Variants in FAM227A observed in about 807,000 individuals in gnomAD.
FAM227A encodes family with sequence similarity 227 member A.
FAM227A carries 80 observed loss-of-function variants against 74.7 expected under a neutral mutation model. The observed-to-expected ratio is 1.07, with a 90% confidence interval of 0.89 to 1.29. FAM227A has a LOEUF of 1.29. Among genes scored for constraint, FAM227A ranks in the 50% most tolerant of loss-of-function variants. The pLI is 0.00. For missense variants in FAM227A, 654 were observed against 683.4 expected (o/e 0.96, Z 0.48); for synonymous variants, 237 against 241.8 (o/e 0.98, Z 0.19).
At chr22:38,613,298 T>TATATAAC (rs2091484704) in intron 11 of FAM227A, among the ~76,000 whole-genome samples, 5 of 77,786 alleles carry the variant, frequency 6.4e-5, no homozygotes, top group East Asian at 6.6e-4. Context: ...ATATATATCA[T>TATATAAC]ATATAATATA....
At chr22:38,637,571 T>C (rs1472513253) in intron 5 of FAM227A, among the ~76,000 whole-genome samples, 2 of 152,248 alleles carry the variant, frequency 1.3e-5, no homozygotes, top group East Asian at 3.8e-4. Flanking sequence ...ACTTCCTAAC[T>C]GGGCTCTGGC....
At position 38,586,839 on chromosome 22, in the gene FAM227A, G is replaced by GT. The variant is rs201458150; in HGVS notation, c.1639-641dup. Among the ~76,000 whole-genome samples, 1,339 of 151,256 alleles carry GT rather than the reference G, an allele frequency of 8.9e-3. 23 individuals carry two copies. Among genetic ancestry groups the GT allele is most frequent in the African/African-American group, 0.031 (1,276 of 41,234 alleles). On this transcript the variant is annotated intron_variant, in intron 16 of 16. Transcript: ENST00000535113. Reference sequence around the variant, plus strand: ...ATGCACCACCATGCCCAGCTAATTTGTTTTTTGTATTTTTTTTTTTAGTAG... The same window carrying GT: ...ATGCACCACCATGCCCAGCTAATTTGTTTTTTTGTATTTTTTTTTTTAGTAG...
intron 13 of FAM227A, 46 bp downstream of exon 13, chr22:38,605,208 C>T (rs2091258360): frequency 1.9e-6 from 2 of 1,079,082 alleles, no homozygotes; most frequent in East Asian, 5.2e-5. Context: ...ACCTCTCACC[C>T]CCTTTGGAAT....
intron 3 of FAM227A, among the ~76,000 whole-genome samples, chr22:38,643,144 GTC>G (rs1445071089): frequency 6.6e-6 from 1 of 151,800 alleles, no homozygotes; most frequent in Non-Finnish European, 1.5e-5. Context: ...GTGAAACCCA[GTC>G]TCTACTAAAA....
chr22:38,642,606 A>G (rs2092140766), intron 3 of FAM227A, among the ~76,000 whole-genome samples: 1 of 152,236 alleles, frequency 6.6e-6, no homozygotes, highest in Admixed American at 6.5e-5. Flanking sequence ...AGGAGAAAAT[A>G]TTTGCAAGAA....
Position 38,582,942 on chromosome 22 carries a change from ATG to A in FAM227A, c.*3181_*3182del. On this transcript the variant is annotated 3_prime_UTR_variant, in exon 17 of 17. Coordinates refer to ENST00000535113, the MANE Select transcript of FAM227A (RefSeq NM_001013647.2). ...CCTGGAGGAAGAGCAGGAATTAGTG[ATG>A]TTGGCAGTTAACAAAGAGGAGGGAG... 1.3e-6 allele frequency: 2 copies of A among 1,550,414 alleles called. No homozygotes were observed. Among genetic ancestry groups the A allele is most frequent in the Non-Finnish European group, 8.7e-7 (1 of 1,146,946 alleles).
Position 38,645,648 on chromosome 22 carries a change from G to A in FAM227A, c.143-3C>T, listed in dbSNP as rs1290022511. ...GTGCATGGAGCCAATAAGGCATGCT[G>A]GGAGGTTAGTCTGCTAAGGAAACTC... On this transcript the variant is annotated splice_polypyrimidine_tract_variant and splice_region_variant and intron_variant, in intron 2 of 16. Transcript: ENST00000535113. The A allele has an allele frequency of 1.3e-6, 2 of 1,547,926 alleles. No individual in the cohort carries two copies. The highest frequency in any genetic ancestry group is 1.7e-6 in the Non-Finnish European group (2 of 1,144,318).
intron 2 of FAM227A, among the ~76,000 whole-genome samples, chr22:38,646,505 G>A (rs990373044): frequency 6.7e-6 from 1 of 150,020 alleles, no homozygotes; most frequent in African/African-American, 2.4e-5. Flanking sequence ...CTCGTGATCC[G>A]CCCGCCTCGG....
At chr22:38,605,445 G>A (rs2091264265) in intron 12 of FAM227A, 97 bp from the exon 13 acceptor site, 8 of 687,050 alleles carry the variant, frequency 1.2e-5, no homozygotes, top group South Asian at 5.1e-5. Context: ...GTGTGCCACC[G>A]CACCCAGTTA....
chr22:38,593,428 C>A (rs1158758750), intron 15 of FAM227A, among the ~76,000 whole-genome samples: 1 of 152,168 alleles, frequency 6.6e-6, no homozygotes, highest in Non-Finnish European at 1.5e-5. Flanking sequence ...CGGCATGAAC[C>A]CAGGAGGCGG....
intron 13 of FAM227A, among the ~76,000 whole-genome samples, chr22:38,602,108 C>T (rs867652785): frequency 1.3e-5 from 2 of 152,180 alleles, no homozygotes; most frequent in Non-Finnish European, 2.9e-5. Flanking sequence ...TACCCAATCA[C>T]ACTATTTTCT....
In FAM227A at chr22:38,614,869, G is replaced by A. The variant is rs1156780724; in HGVS notation, c.1038+5343C>T. ...TTTTGGTCTTGGTCTCTGGGTGATG[G>A]CTGTCCCTCTGCAGCACCTATGTCA... On this transcript the variant is annotated intron_variant, in intron 11 of 16. Coordinates refer to ENST00000535113, the MANE Select transcript of FAM227A (RefSeq NM_001013647.2). Among the ~76,000 whole-genome samples, 4 of 152,306 alleles carry A rather than the reference G, an allele frequency of 2.6e-5. No homozygotes were observed. In the East Asian group the frequency reaches 7.7e-4, roughly 29 times the overall value.
At chr22:38,621,852 C>T (rs962555062) in intron 10 of FAM227A, among the ~76,000 whole-genome samples, 4 of 152,238 alleles carry the variant, frequency 2.6e-5, no homozygotes, top group South Asian at 2.1e-4. Flanking sequence ...TCAGCTCAAA[C>T]GCCACGTACT....
At chr22:38,654,172 C>A (rs2092358561) in intron 1 of FAM227A, among the ~76,000 whole-genome samples, 1 of 151,792 alleles carries the variant, frequency 6.6e-6, no homozygotes, top group African/African-American at 2.4e-5. Context: ...CACGGTGAAA[C>A]CCCGTCTCCA....
chr22:38,602,223 T>A (rs2091192989), intron 13 of FAM227A, among the ~76,000 whole-genome samples: 1 of 152,220 alleles, frequency 6.6e-6, no homozygotes, highest in African/African-American at 2.4e-5. Flanking sequence ...CATTTGGGGC[T>A]GGATATTTCT....
chr22:38,641,559 A>C (rs368432837), intron 3 of FAM227A, among the ~76,000 whole-genome samples: 6,606 of 151,504 alleles, frequency 0.044, 272 homozygotes, highest in East Asian at 0.11. Context: ...CTCAAAAAAA[A>C]AAAAAAAAAC....
intron 10 of FAM227A, among the ~76,000 whole-genome samples, chr22:38,622,891 A>G (rs1484294584): frequency 6.6e-6 from 1 of 151,190 alleles, no homozygotes; most frequent in African/African-American, 2.4e-5. Flanking sequence ...AAAAAAAAAA[A>G]AAAAAAAAGA....
intron 6 of FAM227A, among the ~76,000 whole-genome samples, chr22:38,634,616 C>A (rs2091969608): frequency 6.6e-6 from 1 of 152,214 alleles, no homozygotes; most frequent in African/African-American, 2.4e-5. Context: ...AGATGTACTG[C>A]TTTCCACTTC....
At chr22:38,607,999 T>C (rs1271816999) in intron 11 of FAM227A, among the ~76,000 whole-genome samples, 3 of 152,168 alleles carry the variant, frequency 2.0e-5, no homozygotes, top group South Asian at 2.1e-4. Context: ...TAGACAGTTA[T>C]ACTTAAGTGT....
Sources: gnomAD v4.1 joint callset for allele counts (sites outside exome capture counted in the v4.1 genomes callset) on GRCh38, gnomAD v4.1.1 for gene constraint, MANE v1.5 for transcripts, NCBI Gene and HGNC (gene_info 2026-07-23, HGNC 2026-07-21) for gene names.